Variants in BICD1 observed in about 807,000 individuals in gnomAD.
BICD1 encodes the protein protein bicaudal D homolog 1.
BICD1 carries 35 observed loss-of-function variants against 92.5 expected under a neutral mutation model. The ratio of observed to expected loss-of-function variants is 0.38; its 90% confidence interval spans 0.29 to 0.50. The LOEUF is 0.50. BICD1 is among the 20% of genes least tolerant of loss of function. The pLI is 0.93. For synonymous variants in BICD1, 429 were observed against 465.1 expected, an observed-to-expected ratio of 0.92 and a Z score of 1.00; for missense variants, 950 against 1,189.8, an observed-to-expected ratio of 0.80 and a Z score of 2.97.
chr12:32,312,802 T>C (rs112322653), intron 4 of BICD1, among the ~76,000 whole-genome samples: 11,828 of 152,262 alleles, frequency 0.078, 514 homozygotes, highest in Middle Eastern at 0.13. Flanking sequence ...TAGTGAATAG[T>C]TCAATGAGTG....
At chr12:32,107,630 G>C (rs979125314) in intron 1 of BICD1, 86 bp downstream of exon 1, 1 of 1,403,986 alleles carries the variant, frequency 7.1e-7, no homozygotes, top group Admixed American at 2.0e-5. Flanking sequence ...AGTCATAAAG[G>C]AGGTGATTGA....
chr12:32,177,241 G>A (rs985799354), intron 1 of BICD1, among the ~76,000 whole-genome samples: 4 of 151,680 alleles, frequency 2.6e-5, no homozygotes, highest in Non-Finnish European at 4.4e-5. Flanking sequence ...CTTGAACCCG[G>A]GAGGTGGAGA....
At position 32,308,375 on chromosome 12, in the gene BICD1, T is replaced by C. The variant is rs146190463; in HGVS notation, c.1005+2253T>C. ...GAGTCAGCCACTAGTTGACAGTCAT[T>C]CTTAGAGGACAGCACTTTACTTTCC... is the stretch of plus-strand genomic sequence containing the variant. On this transcript the variant is annotated intron_variant, in intron 4 of 9. Transcript: ENST00000652176. Among the ~76,000 whole-genome samples, 533 of 152,294 alleles carry C rather than the reference T, an allele frequency of 3.5e-3. 2 individuals carry two copies. The highest frequency in any genetic ancestry group is 5.6e-3 in the Non-Finnish European group (378 of 68,006).
intron 8 of BICD1, chr12:32,353,939 A>C (rs755839765): frequency 2.6e-5 from 4 of 152,192 alleles, no homozygotes; most frequent in Non-Finnish European, 5.9e-5. Flanking sequence ...ATCTGGCAGC[A>C]GAATGTACTT....
chr12:32,237,929 T>C (rs1028151410), intron 2 of BICD1, among the ~76,000 whole-genome samples: 4 of 152,212 alleles, frequency 2.6e-5, no homozygotes, highest in African/African-American at 7.2e-5. Flanking sequence ...AAGAAATACA[T>C]TTTATAAAGA....
At chr12:32,330,905 CCAGTGGATCACTTGAGGT>C (rs1179115526) in intron 5 of BICD1, among the ~76,000 whole-genome samples, 4 of 152,172 alleles carry the variant, frequency 2.6e-5, no homozygotes, top group Admixed American at 2.6e-4. Flanking sequence ...GAGGCCAAGG[CCAGTGGATCACTTGAGGT>C]CAGGAGTTTG....
intron 2 of BICD1, among the ~76,000 whole-genome samples, chr12:32,224,404 A>G (rs547733640): frequency 6.6e-6 from 1 of 152,362 alleles, no homozygotes; most frequent in African/African-American, 2.4e-5. Flanking sequence ...TACGTTCATT[A>G]TTGCATTTAA....
intron 2 of BICD1, among the ~76,000 whole-genome samples, chr12:32,278,625 C>T (rs541887164): frequency 2.4e-4 from 37 of 152,182 alleles, no homozygotes; most frequent in African/African-American, 6.5e-4. Context: ...AGGCCGCGGC[C>T]GGCGGATCAC....
intron 1 of BICD1, chr12:32,108,695 T>C (rs1413139487): frequency 1.4e-6 from 1 of 697,064 alleles, no homozygotes; most frequent in Non-Finnish European, 2.6e-6. Flanking sequence ...TCCAATTTAG[T>C]GTGTAATATG....
intron 7 of BICD1, chr12:32,338,035 T>C: frequency 2.0e-6 from 1 of 510,258 alleles, no homozygotes. Flanking sequence ...CAATCCCTCC[T>C]CTTGATTAAT....
chr12:32,196,415 A>G (rs911297978), intron 1 of BICD1, among the ~76,000 whole-genome samples: 12 of 152,250 alleles, frequency 7.9e-5, no homozygotes, highest in Admixed American at 5.9e-4. Context: ...AATAAAGAAA[A>G]TGTGGTGTGT....
intron 1 of BICD1, among the ~76,000 whole-genome samples, chr12:32,198,212 GAA>G (rs954944041): frequency 1.4e-5 from 2 of 147,104 alleles, no homozygotes. Context: ...TCTGAAAAAA[GAA>G]AAAAAAATTA....
At chr12:32,346,558 A>ATATATATATACGTGTG (rs1938588976) in intron 8 of BICD1, among the ~76,000 whole-genome samples, 1 of 22,094 alleles carries the variant, frequency 4.5e-5, no homozygotes. Context: ...ATATATATAT[A>ATATATATATACGTGTG]TATATATATA....
chr12:32,334,778 G>T, intron 6 of BICD1, 111 bp downstream of exon 6: 1 of 1,210,176 alleles, frequency 8.3e-7, no homozygotes, highest in Non-Finnish European at 1.1e-6. Flanking sequence ...GTCTAGGATG[G>T]CTAAGTGTGA....
chr12:32,335,335 A>G (rs932429510), intron 6 of BICD1, among the ~76,000 whole-genome samples: 1 of 151,714 alleles, frequency 6.6e-6, no homozygotes, highest in Non-Finnish European at 1.5e-5. Flanking sequence ...TACTTTTAGC[A>G]GAGACGGGGT....
intron 4 of BICD1, among the ~76,000 whole-genome samples, chr12:32,320,247 T>C (rs1225218648): frequency 2.0e-5 from 3 of 152,198 alleles, no homozygotes; most frequent in Non-Finnish European, 4.4e-5. Flanking sequence ...GGCTCTCACC[T>C]GTAATCCCAG....
chr12:32,160,958 AAC>A (rs1943581828), intron 1 of BICD1, among the ~76,000 whole-genome samples: 2 of 152,228 alleles, frequency 1.3e-5, no homozygotes, highest in South Asian at 2.1e-4. Flanking sequence ...CTTCATTAAA[AAC>A]ACACATTTAT....
intron 1 of BICD1, among the ~76,000 whole-genome samples, chr12:32,166,856 C>T (rs1428366967): frequency 6.6e-6 from 1 of 152,148 alleles, no homozygotes; most frequent in Non-Finnish European, 1.5e-5. Context: ...GTGTCTCTTG[C>T]CTTATAGGTT....
intron 1 of BICD1, among the ~76,000 whole-genome samples, chr12:32,189,755 G>C (rs1284073385): frequency 6.7e-6 from 1 of 150,282 alleles, no homozygotes; most frequent in African/African-American, 2.5e-5. Context: ...CTGGAGTGCA[G>C]TGGTGCAATC....
Sources: allele counts gnomAD v4.1 joint callset (sites outside exome capture counted in the v4.1 genomes callset), GRCh38; gene constraint gnomAD v4.1.1; transcripts MANE v1.5; gene names NCBI Gene and HGNC (gene_info 2026-07-23, HGNC 2026-07-21).